Variants in PDZD2 observed in about 807,000 individuals in gnomAD.
PDZD2 encodes PDZ domain-containing protein 2.
A neutral mutation model predicts 220.7 loss-of-function variants in PDZD2; 90 were observed. The ratio of observed to expected loss-of-function variants is 0.41; its 90% CI spans 0.34 to 0.49. The LOEUF is 0.49. Ranked by LOEUF, PDZD2 falls within the 20% of genes least tolerant of loss-of-function variation. The pLI, the probability that PDZD2 is intolerant of heterozygous loss-of-function variation, is 0.28. For synonymous variants in PDZD2, 1,375 were observed against 1,450.5 expected, an observed-to-expected ratio of 0.95 and a Z score of 1.18; for missense variants, 3,174 against 3,608.5, an observed-to-expected ratio of 0.88 and a Z score of 3.08.
chr5:31,891,929 G>T (rs1741082934), intron 2 of PDZD2, among the ~76,000 whole-genome samples: 1 of 151,360 alleles, frequency 6.6e-6, no homozygotes, highest in African/African-American at 2.4e-5. Flanking sequence ...TTTTTGCGGG[G>T]GGACAGGGTC....
At chr5:31,805,163 ACT>A (rs1248839014) in intron 2 of PDZD2, among the ~76,000 whole-genome samples, 2 of 152,184 alleles carry the variant, frequency 1.3e-5, no homozygotes, top group Non-Finnish European at 2.9e-5. Flanking sequence ...CCGCCATTGC[ACT>A]CCAGCCTGGG....
intron 1 of PDZD2, among the ~76,000 whole-genome samples, chr5:31,659,217 C>T (rs1402285991): frequency 6.6e-6 from 1 of 152,210 alleles, no homozygotes; most frequent in South Asian, 2.1e-4. Flanking sequence ...TTTGCAAAAC[C>T]TTTATTCTCC....
At chr5:32,093,783 G>A (rs192122479) in intron 21 of PDZD2, among the ~76,000 whole-genome samples, 4 of 152,214 alleles carry the variant, frequency 2.6e-5, no homozygotes, top group African/African-American at 9.6e-5. Context: ...TTCAAGACCA[G>A]CCTGGCCAAT....
Position 32,098,727 on chromosome 5 carries a change from C to A in PDZD2, c.8218+93C>A. 1 of 1,139,602 alleles carries A rather than the reference C, an allele frequency of 8.8e-7. No homozygotes were observed. Among genetic ancestry groups the A allele is most frequent in the Non-Finnish European group, 1.2e-6 (1 of 811,074 alleles). 70.6% of individuals were successfully genotyped at this position (1,139,602 alleles called of 1,614,324 possible). A position where few individuals can be genotyped will look rare whatever the true frequency, so the allele number is the denominator to read the frequency against. On this transcript the variant is annotated intron_variant, in intron 23 of 24. Coordinates refer to ENST00000438447, the MANE Select transcript of PDZD2 (RefSeq NM_178140.4). The surrounding 1 kb of genome is among the most constrained non-coding windows in gnomAD (Gnocchi z 4.1). ...ATGAAGGAAAATAACAGCTAACTAA[C>A]TTCTAGATCTGAAAAATTAAATGTA...
intron 1 of PDZD2, among the ~76,000 whole-genome samples, chr5:31,707,929 G>A (rs1412126680): frequency 3.9e-5 from 6 of 152,124 alleles, no homozygotes; most frequent in African/African-American, 1.4e-4. Context: ...TGCCCAGCCA[G>A]GATGTTCAGT....
chr5:32,066,116 G>A (rs1249317077), intron 14 of PDZD2, among the ~76,000 whole-genome samples: 1 of 152,148 alleles, frequency 6.6e-6, no homozygotes, highest in Non-Finnish European at 1.5e-5. Context: ...GCCAAGGCAG[G>A]TGGATCATTT....
intron 2 of PDZD2, among the ~76,000 whole-genome samples, chr5:31,878,555 C>CCTTTT (rs750266997): frequency 4.1e-5 from 2 of 48,198 alleles, no homozygotes; most frequent in African/African-American, 1.4e-4. Context: ...ATGACCTCGG[C>CCTTTT]TTTTTTTTTT....
At chr5:31,856,782 TTC>T (rs1181550907) in intron 2 of PDZD2, among the ~76,000 whole-genome samples, 2 of 152,114 alleles carry the variant, frequency 1.3e-5, no homozygotes, top group East Asian at 3.9e-4. Flanking sequence ...CTTCATCGTC[TTC>T]TGTTTCCCAG....
intron 1 of PDZD2, among the ~76,000 whole-genome samples, chr5:31,651,994 A>ATTTC (rs1554059610): frequency 7.7e-6 from 1 of 130,326 alleles, no homozygotes; most frequent in East Asian, 2.2e-4. Flanking sequence ...TAATTTTTGT[A>ATTTC]TTTTTTTTTT....
Position 31,961,333 on chromosome 5 carries a change from G to A in PDZD2, c.477-21822G>A, listed in dbSNP as rs114258697. Among the ~76,000 whole-genome samples the A allele has an allele frequency of 2.5e-3, 371 of 148,634 alleles. 1 individual carries two copies. The highest frequency in any genetic ancestry group is 8.1e-3 in the African/African-American group (323 of 40,054). ...TTCACTTTGAGACCAGGCGTTTGAG[G>A]GCAGCTGGGGAAACATGGCGAAACT... On this transcript the variant is annotated intron_variant, in intron 2 of 24. Coordinates refer to ENST00000438447, the MANE Select transcript of PDZD2 (RefSeq NM_178140.4).
chr5:31,803,151 G>A (rs1412702128), intron 2 of PDZD2, among the ~76,000 whole-genome samples: 1 of 149,342 alleles, frequency 6.7e-6, no homozygotes, highest in Non-Finnish European at 1.5e-5. Context: ...AGGCTGGAGT[G>A]CAGAGCCACA....
chr5:32,072,919 C>T (rs1740894709), intron 17 of PDZD2, among the ~76,000 whole-genome samples: 1 of 152,114 alleles, frequency 6.6e-6, no homozygotes, highest in Admixed American at 6.5e-5. Flanking sequence ...GGAATCCAGC[C>T]AGATTCCAGG....
intron 2 of PDZD2, among the ~76,000 whole-genome samples, chr5:31,811,799 G>A (rs927756338): frequency 6.6e-6 from 1 of 151,956 alleles, no homozygotes; most frequent in African/African-American, 2.4e-5. Flanking sequence ...AGACCAACCT[G>A]GCCAACACGG....
At chr5:31,821,933 G>A (rs1278157731) in intron 2 of PDZD2, among the ~76,000 whole-genome samples, 1 of 151,804 alleles carries the variant, frequency 6.6e-6, no homozygotes, top group Non-Finnish European at 1.5e-5. Context: ...TTATGAGTGA[G>A]AACATGCGGT....
At chr5:31,693,683 G>A (rs1747244342) in intron 1 of PDZD2, among the ~76,000 whole-genome samples, 1 of 152,172 alleles carries the variant, frequency 6.6e-6, no homozygotes, top group African/African-American at 2.4e-5. Context: ...TTGAAGCCAG[G>A]AGTTACTTTG....
At chr5:31,822,054 G>C (rs956401899) in intron 2 of PDZD2, among the ~76,000 whole-genome samples, 7 of 152,190 alleles carry the variant, frequency 4.6e-5, no homozygotes, top group Non-Finnish European at 7.4e-5. Context: ...ATAGTATTCC[G>C]TGGTGTATAT....
chr5:31,786,045 A>G (rs1239553875), intron 1 of PDZD2, among the ~76,000 whole-genome samples: 1 of 152,146 alleles, frequency 6.6e-6, no homozygotes, highest in Non-Finnish European at 1.5e-5. Context: ...GAAAGAGGTC[A>G]GCTGAGGATT....
intron 2 of PDZD2, among the ~76,000 whole-genome samples, chr5:31,889,317 G>A (rs907426425): frequency 1.3e-5 from 2 of 152,206 alleles, no homozygotes; most frequent in African/African-American, 4.8e-5. Context: ...GAGGGGAGGA[G>A]CTTCTGTTTC....
At chr5:31,995,774 C>G (rs1361651914) in intron 4 of PDZD2, 56 bp downstream of exon 4, 6 of 1,488,366 alleles carry the variant, frequency 4.0e-6, no homozygotes, top group Non-Finnish European at 4.6e-6. Flanking sequence ...CCTTCCCTCT[C>G]CCTCCCCACT....
Sources: allele counts gnomAD v4.1 joint callset (sites outside exome capture counted in the v4.1 genomes callset), GRCh38; gene constraint gnomAD v4.1.1; non-coding constraint Gnocchi (gnomAD v3.1); transcripts MANE v1.5; gene names NCBI Gene and HGNC (gene_info 2026-07-23, HGNC 2026-07-21).